The following EYS variants were observed in gnomAD, a reference collection of about 807,000 sequenced individuals.
EYS encodes protein eyes shut homolog.
EYS carries 250 observed loss-of-function variants against 282.1 expected under a neutral mutation model. The observed-to-expected ratio is 0.89, with a 90% CI of 0.80 to 0.98. The LOEUF is 0.98. Among genes scored for constraint, EYS ranks in the 50% least tolerant of loss-of-function variants. The pLI is 0.00. For missense variants in EYS, 4,016 were observed against 3,709.0 expected (o/e 1.08, Z -2.15); for synonymous variants, 1,355 against 1,282.9 (o/e 1.06, Z -1.20).
intron 12 of EYS, among the ~76,000 whole-genome samples, chr6:65,144,586 T>A (rs988652389): frequency 6.6e-6 from 1 of 152,094 alleles, no homozygotes; most frequent in African/African-American, 2.4e-5. Flanking sequence ...TAATACAAAT[T>A]GCAAAGCAAA....
chr6:63,750,493 T>C (rs2149648042), intron 41 of EYS, among the ~76,000 whole-genome samples: 1 of 152,220 alleles, frequency 6.6e-6, no homozygotes, highest in East Asian at 1.9e-4. Context: ...ACTGCATTTC[T>C]AATATTCCAC....
chr6:63,892,169 A>C (rs1359548334), intron 35 of EYS, among the ~76,000 whole-genome samples: 3 of 152,140 alleles, frequency 2.0e-5, no homozygotes. Context: ...TTAATTTATA[A>C]ATTTGATGCT....
At chr6:65,078,467 A>T (rs1160402822) in intron 12 of EYS, among the ~76,000 whole-genome samples, 1 of 152,100 alleles carries the variant, frequency 6.6e-6, no homozygotes, top group East Asian at 1.9e-4. Context: ...TTTTTAAATT[A>T]TTCCTTTAAA....
intron 28 of EYS, among the ~76,000 whole-genome samples, chr6:64,409,672 T>C (rs62418116): frequency 0.021 from 3,178 of 152,252 alleles, 44 homozygotes; most frequent in Non-Finnish European, 0.032. Flanking sequence ...TTTGGGCGCA[T>C]TGGCTTGTTT....
intron 36 of EYS, among the ~76,000 whole-genome samples, chr6:63,825,570 A>G (rs1771438034): frequency 6.6e-6 from 1 of 152,208 alleles, no homozygotes; most frequent in African/African-American, 2.4e-5. Flanking sequence ...CATTACAGGA[A>G]TCTATGCCGA....
At chr6:64,992,520 T>G in intron 14 of EYS, among the ~76,000 whole-genome samples, 1 of 152,078 alleles carries the variant, frequency 6.6e-6, no homozygotes, top group South Asian at 2.1e-4. Flanking sequence ...AATATATCCA[T>G]TTAAAGGCTA....
chr6:64,706,134 TG>T (rs1411924040), intron 22 of EYS, among the ~76,000 whole-genome samples: 1 of 151,438 alleles, frequency 6.6e-6, no homozygotes. Context: ...CATAGATCAA[TG>T]GAACAGAATA....
intron 22 of EYS, among the ~76,000 whole-genome samples, chr6:64,757,588 G>A (rs1772985955): frequency 6.6e-6 from 1 of 151,920 alleles, no homozygotes; most frequent in South Asian, 2.1e-4. Flanking sequence ...CTTAACCAAT[G>A]GTTTTATCCC....
intron 26 of EYS, among the ~76,000 whole-genome samples, chr6:64,573,867 G>A (rs1304562391): frequency 6.6e-6 from 1 of 152,132 alleles, no homozygotes; most frequent in Non-Finnish European, 1.5e-5. Flanking sequence ...AGACAGTGTG[G>A]CAATTCCTCA....
chr6:63,740,386 A>G (rs990595741), intron 41 of EYS, among the ~76,000 whole-genome samples: 6 of 152,154 alleles, frequency 3.9e-5, no homozygotes, highest in East Asian at 3.9e-4. Context: ...GCCTTCTGCC[A>G]TGATTGTGAG....
At chr6:64,526,160 T>G (rs2098738534) in intron 26 of EYS, among the ~76,000 whole-genome samples, 2 of 151,772 alleles carry the variant, frequency 1.3e-5, no homozygotes, top group African/African-American at 2.4e-5. Flanking sequence ...GAGAACAGAA[T>G]AGTGATTGCC....
At chr6:64,671,878 TTAAG>T (rs1268674096) in intron 22 of EYS, among the ~76,000 whole-genome samples, 2 of 152,168 alleles carry the variant, frequency 1.3e-5, no homozygotes, top group Non-Finnish European at 2.9e-5. Context: ...AACATTATTA[TTAAG>T]TATGTTGATA....
chr6:65,224,161 T>C (rs971069545), intron 12 of EYS, among the ~76,000 whole-genome samples: 5 of 152,090 alleles, frequency 3.3e-5, no homozygotes, highest in Admixed American at 6.6e-5. Flanking sequence ...ACATCCTCTA[T>C]GTATTAGGCC....
At chr6:65,410,443 C>T (rs985592950) in intron 5 of EYS, among the ~76,000 whole-genome samples, 1 of 151,934 alleles carries the variant, frequency 6.6e-6, no homozygotes, top group Non-Finnish European at 1.5e-5. Flanking sequence ...TATATAGCAC[C>T]TTACTTAAGC....
chr6:65,115,693 T>C (rs1775349121), intron 12 of EYS, among the ~76,000 whole-genome samples: 1 of 152,132 alleles, frequency 6.6e-6, no homozygotes, highest in Non-Finnish European at 1.5e-5. Context: ...GGTATAGCCA[T>C]TAAACTCAAA....
intron 2 of EYS, among the ~76,000 whole-genome samples, chr6:65,608,395 T>C (rs893763861): frequency 6.6e-6 from 1 of 152,048 alleles, no homozygotes; most frequent in Non-Finnish European, 1.5e-5. Flanking sequence ...TGAAAGTTGC[T>C]CTGGGTGAGT....
At chr6:65,230,850 T>C (rs1766753616) in intron 12 of EYS, among the ~76,000 whole-genome samples, 1 of 151,526 alleles carries the variant, frequency 6.6e-6, no homozygotes, top group Admixed American at 6.6e-5. Context: ...AAAAAATATT[T>C]CATTGTGTTA....
Position 64,321,717 on chromosome 6 carries a change from T to G in EYS, c.6079-14635A>C, listed in dbSNP as rs536480929. Among the ~76,000 whole-genome samples the G allele has an allele frequency of 1.8e-4, 28 of 152,024 alleles. No homozygotes were observed. In the South Asian group the frequency reaches 5.0e-3, roughly 27 times the overall value. ...AGTGCTGATTCTAAGGCCATATGGA[T>G]GAACTTGGATGTTAATGTAGTGTTT... On this transcript the variant is annotated intron_variant, in intron 29 of 42. Transcript: ENST00000503581.
intron 31 of EYS, among the ~76,000 whole-genome samples, chr6:64,091,343 C>A (rs1218193144): frequency 6.6e-6 from 1 of 151,984 alleles, no homozygotes; most frequent in African/African-American, 2.4e-5. Context: ...CTTATTTTAT[C>A]TCTGTTGTTC....
Sources: gnomAD v4.1 joint callset for allele counts (sites outside exome capture counted in the v4.1 genomes callset) on GRCh38, gnomAD v4.1.1 for gene constraint, MANE v1.5 for transcripts, NCBI Gene and HGNC (gene_info 2026-07-23, HGNC 2026-07-21) for gene names.